The following CDH4 variants were observed in gnomAD, a reference collection of about 807,000 sequenced individuals.
The protein encoded by CDH4 is cadherin 4, also known as cadherin-4.
In CDH4, 33 loss-of-function variants were observed where a neutral mutation model predicts 86.0. That is an observed-to-expected ratio of 0.38 (90% CI 0.29 to 0.51). CDH4 has a LOEUF of 0.51. CDH4 is among the 20% of genes least tolerant of loss of function. The probability of loss-of-function intolerance (pLI) is 0.86; values close to 1 mark genes in which losing one functional copy is unlikely to be tolerated. For missense variants in CDH4, 1,114 were observed against 1,307.4 expected (o/e 0.85, Z 2.28); for synonymous variants, 555 against 549.4 (o/e 1.01, Z -0.14).
intron 2 of CDH4, among the ~76,000 whole-genome samples, chr20:61,315,541 A>G (rs1423314840): frequency 6.6e-6 from 1 of 152,212 alleles, no homozygotes; most frequent in Admixed American, 6.5e-5. Context: ...GTGAGAATTG[A>G]ATGATGCCAA....
intron 2 of CDH4, among the ~76,000 whole-genome samples, chr20:61,474,829 G>C (rs111612574): frequency 6.6e-6 from 1 of 152,128 alleles, no homozygotes; most frequent in Non-Finnish European, 1.5e-5. Flanking sequence ...CTCTAGAGCT[G>C]TCTGTTGTTT....
chr20:61,632,237 G>C (rs2086895902), intron 2 of CDH4, among the ~76,000 whole-genome samples: 2 of 152,204 alleles, frequency 1.3e-5, no homozygotes, highest in Non-Finnish European at 2.9e-5. Context: ...CTGTGAAGGA[G>C]CATGTTGGGA....
chr20:61,441,451 C>T (rs984625358), intron 2 of CDH4, among the ~76,000 whole-genome samples: 1 of 152,174 alleles, frequency 6.6e-6, no homozygotes, highest in African/African-American at 2.4e-5. Flanking sequence ...GAGAAAAGAC[C>T]CCTTTCCCCA....
At chr20:61,419,345 A>C (rs1447172162) in intron 2 of CDH4, among the ~76,000 whole-genome samples, 1 of 152,138 alleles carries the variant, frequency 6.6e-6, no homozygotes, top group Non-Finnish European at 1.5e-5. Flanking sequence ...GTTTCTGGGG[A>C]CTATAAGGAT....
At chr20:61,472,358 T>G (rs2085509493) in intron 2 of CDH4, among the ~76,000 whole-genome samples, 1 of 152,246 alleles carries the variant, frequency 6.6e-6, no homozygotes, top group African/African-American at 2.4e-5. Context: ...ATGGAATATC[T>G]TTTTCCATTC....
In CDH4 at chr20:61,933,670, GCCACC is replaced by G. The variant is rs1357961915; in HGVS notation, c.2380-385_2380-381del. 7.2e-3 allele frequency among the ~76,000 whole-genome samples: 1,073 copies of G among 148,126 alleles called. 13 individuals carry two copies. The highest frequency in any genetic ancestry group is 0.025 in the African/African-American group (985 of 38,644). On this transcript the variant is annotated intron_variant, in intron 14 of 15. Transcript: ENST00000614565. ...GTGCCTTGCGGAGGCCCAGCTCCTGGCCACCTTCCCCGCCCCTCCCGCAACACGAC... is the reference window on the plus strand; with the variant it reads ...GTGCCTTGCGGAGGCCCAGCTCCTGGTTCCCCGCCCCTCCCGCAACACGAC...
intron 2 of CDH4, among the ~76,000 whole-genome samples, chr20:61,308,848 A>C (rs898094932): frequency 6.6e-6 from 1 of 152,162 alleles, no homozygotes; most frequent in Admixed American, 6.5e-5. Flanking sequence ...CTTCCTGTAC[A>C]TCTGAATTTA....
rs1054017997 is a variant in CDH4, at chr20:61,910,292, A to G, written c.1189-130A>G. 3.9e-5 allele frequency: 30 copies of G among 763,884 alleles called. No individual in the cohort carries two copies. The African/African-American group carries it at 4.9e-4, about 12-fold the overall frequency. The allele number at this position is 763,884 out of a possible 1,614,324, so 47.3% of individuals were successfully genotyped here. A position where few individuals can be genotyped will look rare whatever the true frequency, so the allele number is the denominator to read the frequency against. On this transcript the variant is annotated intron_variant, in intron 8 of 15. Coordinates refer to ENST00000614565, the MANE Select transcript of CDH4 (RefSeq NM_001794.5). ...GACACGGTGTGTTCTGTTTGTGAAC[A>G]CTCGAGCTGGGCTGACACGGTGTGT...
chr20:61,344,169 C>T (rs576162195), intron 2 of CDH4, among the ~76,000 whole-genome samples: 107 of 152,084 alleles, frequency 7.0e-4, no homozygotes, highest in Non-Finnish European at 1.3e-3. Flanking sequence ...GGGCTGGCCT[C>T]GAAGGGCGAG....
At chr20:61,579,666 C>G (rs1420886401) in intron 2 of CDH4, among the ~76,000 whole-genome samples, 1 of 152,098 alleles carries the variant, frequency 6.6e-6, no homozygotes, top group East Asian at 1.9e-4. Context: ...CCACATCTGG[C>G]TTATCTCCCA....
chr20:61,300,702 T>C lies in CDH4; in HGVS notation c.169+45765T>C, dbSNP rs375996914. ...CCCACACCCAGCCTTCCTGCTGCCC[T>C]CTGGGTGGGATGTCCCCTTTCTCCA... On this transcript the variant is annotated intron_variant, in intron 2 of 15. Coordinates refer to ENST00000614565, the MANE Select transcript of CDH4 (RefSeq NM_001794.5). 2.3e-3 allele frequency among the ~76,000 whole-genome samples: 350 copies of C among 152,286 alleles called. 2 individuals carry two copies. The highest frequency in any genetic ancestry group is 3.8e-3 in the Non-Finnish European group (257 of 68,008).
intron 2 of CDH4, among the ~76,000 whole-genome samples, chr20:61,653,473 T>C (rs1358179056): frequency 6.0e-5 from 8 of 133,394 alleles, no homozygotes; most frequent in Non-Finnish European, 1.0e-4. Flanking sequence ...GACGGGGTCG[T>C]GGCCGGGCAG....
At chr20:61,732,766 T>C (rs981151110) in intron 2 of CDH4, among the ~76,000 whole-genome samples, 3 of 152,214 alleles carry the variant, frequency 2.0e-5, no homozygotes, top group South Asian at 2.1e-4. Flanking sequence ...AGAGTGCTCA[T>C]AGGCGATTCT....
chr20:61,662,743 G>A (rs896772415), intron 2 of CDH4, among the ~76,000 whole-genome samples: 5 of 152,166 alleles, frequency 3.3e-5, no homozygotes, highest in African/African-American at 9.7e-5. Flanking sequence ...CCTGGACTCC[G>A]GCCAGCAAGA....
At position 61,765,376 on chromosome 20, in the gene CDH4, T is replaced by C. The variant is rs1336616490; in HGVS notation, c.397-7627T>C. ...CCACCCCTGGGCTCTGTTCGACCGA[T>C]GGACCACCATCCCCAGCCAGTCAAT... is the stretch of plus-strand genomic sequence containing the variant. On this transcript the variant is annotated intron_variant, in intron 3 of 15. Transcript: ENST00000614565. Among the ~76,000 whole-genome samples the C allele has an allele frequency of 5.9e-5, 9 of 152,164 alleles. 1 individual carries two copies. The highest frequency in any genetic ancestry group is 1.2e-4 in the African/African-American group (5 of 41,440).
At position 61,518,202 on chromosome 20, in the gene CDH4, C is replaced by T. The variant is rs1390964069; in HGVS notation, c.170-225361C>T. Among the ~76,000 whole-genome samples, 3 of 152,206 alleles carry T rather than the reference C, an allele frequency of 2.0e-5. No individual in the cohort carries two copies. Among genetic ancestry groups the T allele is most frequent in the African/African-American group, 7.2e-5 (3 of 41,444 alleles). ...ATTCTGCCATCATCCCTTTATCGAACACCACCAGTTCCTAGGACGAGGAAG... is the reference window on the plus strand; with the variant it reads ...ATTCTGCCATCATCCCTTTATCGAATACCACCAGTTCCTAGGACGAGGAAG... On this transcript the variant is annotated intron_variant, in intron 2 of 15. Coordinates refer to ENST00000614565, the MANE Select transcript of CDH4 (RefSeq NM_001794.5). This position sits in a 1 kb window ranked among gnomAD's most constrained non-coding sequence, Gnocchi z 6.3.
In CDH4 at chr20:61,708,101, G is replaced by A. The variant is rs1391983151; in HGVS notation, c.170-35462G>A. On this transcript the variant is annotated intron_variant, in intron 2 of 15. Transcript: ENST00000614565. The surrounding 1 kb of genome is among the most constrained non-coding windows in gnomAD (Gnocchi z 4.5). ...TGGGCTCTGCTGGGGGTCCCGGGCTGTGGCGCGTCTCCCTGGGCATAGCCA... is the reference window on the plus strand; with the variant it reads ...TGGGCTCTGCTGGGGGTCCCGGGCTATGGCGCGTCTCCCTGGGCATAGCCA... Among the ~76,000 whole-genome samples the A allele has an allele frequency of 2.0e-5, 3 of 152,128 alleles. No homozygotes were observed. Among genetic ancestry groups the A allele is most frequent in the Admixed American group, 6.5e-5 (1 of 15,274 alleles).
chr20:61,812,328 G>A (rs986776450), intron 4 of CDH4, among the ~76,000 whole-genome samples: 8 of 152,134 alleles, frequency 5.3e-5, no homozygotes, highest in African/African-American at 1.4e-4. Flanking sequence ...CCCTCAAGCC[G>A]TCACTGGCCC....
intron 2 of CDH4, among the ~76,000 whole-genome samples, chr20:61,620,842 G>T (rs892079264): frequency 6.6e-6 from 1 of 152,110 alleles, no homozygotes; most frequent in African/African-American, 2.4e-5. Context: ...ATGCCATCCC[G>T]GTTATCAAAC....
Sources: gnomAD v4.1 joint callset for allele counts (sites outside exome capture counted in the v4.1 genomes callset) on GRCh38, gnomAD v4.1.1 for gene constraint, Gnocchi (gnomAD v3.1) non-coding constraint, MANE v1.5 for transcripts, NCBI Gene and HGNC (gene_info 2026-07-23, HGNC 2026-07-21) for gene names.